ASCC2: variants seen among roughly 807,000 people sequenced by gnomAD.
ASCC2 encodes the protein activating signal cointegrator 1 complex subunit 2.
A neutral mutation model predicts 93.5 loss-of-function variants in ASCC2; 42 were observed. That is an observed-to-expected ratio of 0.45 (90% CI 0.35 to 0.58). The LOEUF (loss-of-function observed/expected upper bound fraction) is 0.58. ASCC2 is among the 20% of genes least tolerant of loss of function. The pLI is 0.00. For missense variants in ASCC2, 859 were observed against 977.6 expected, an observed-to-expected ratio of 0.88 and a Z score of 1.62; for synonymous variants, 364 against 384.2, an observed-to-expected ratio of 0.95 and a Z score of 0.62.
At position 29,825,962 on chromosome 22, in the gene ASCC2, G is replaced by A. The variant is rs368256632; in HGVS notation, c.82-182C>T. 1.4e-5 allele frequency: 8 copies of A among 585,320 alleles called. No individual in the cohort carries two copies. Among genetic ancestry groups the A allele is most frequent in the Admixed American group, 3.6e-5 (1 of 27,860 alleles). The allele number at this position is 585,320 out of a possible 1,614,324, so 36.3% of individuals were successfully genotyped here. A position where few individuals can be genotyped will look rare whatever the true frequency, so the allele number is the denominator to read the frequency against. ...TGGTTGCATTCAGCGAACACTAGGC[G>A]GTAATTAAAATCCATGTTTTCGGAG... On this transcript the variant is annotated intron_variant, in intron 2 of 19. Transcript: ENST00000307790. The surrounding 1 kb of genome is among the most constrained non-coding windows in gnomAD (Gnocchi z 4.9).
At chr22:29,814,595 G>T in intron 7 of ASCC2, 62 bp downstream of exon 7, 1 of 1,394,900 alleles carries the variant, frequency 7.2e-7, no homozygotes, top group Non-Finnish European at 9.8e-7. Flanking sequence ...CAGCCTCTGG[G>T]TAGCTAGGCC....
In ASCC2 at chr22:29,806,972, T is replaced by C. The variant is rs1234842745; in HGVS notation, c.909-68A>G. 7 of 1,221,274 alleles carry C rather than the reference T, an allele frequency of 5.7e-6. No individual in the cohort carries two copies. The African/African-American group carries it at 1.1e-4, about 19-fold the overall frequency. 75.7% of individuals were successfully genotyped at this position (1,221,274 alleles called of 1,614,324 possible). ...GGCCCTGAGGGGCCAGGTGCAGTGG[T>C]TTACACCTGAAACCCTAGCATCTTG... On this transcript the variant is annotated intron_variant, in intron 9 of 19. Transcript: ENST00000307790.
At position 29,792,543 on chromosome 22, in the gene ASCC2, T is replaced by A. The variant is rs200021452; in HGVS notation, c.1920-8A>T. 6.2e-6 allele frequency: 10 copies of A among 1,612,866 alleles called. No homozygotes were observed. The highest frequency in any genetic ancestry group is 8.5e-6 in the Non-Finnish European group (10 of 1,179,502). On this transcript the variant is annotated splice_polypyrimidine_tract_variant and splice_region_variant and intron_variant, in intron 17 of 19. Coordinates refer to ENST00000307790, the MANE Select transcript of ASCC2 (RefSeq NM_032204.5). Reference sequence around the variant, plus strand: ...TGAGGGATGGTGAATGGCCTGAGGGTGTGGAGAGAAATGAGATCAAAGACG... The same window carrying A: ...TGAGGGATGGTGAATGGCCTGAGGGAGTGGAGAGAAATGAGATCAAAGACG...
rs371781341 is a variant in ASCC2, at chr22:29,832,334, G to A, written c.-9C>T. On this transcript the variant is annotated 5_prime_UTR_variant, in exon 2 of 20. In the 5' UTR this introduces an upstream ATG that the reference lacks. Coordinates refer to ENST00000307790, the MANE Select transcript of ASCC2 (RefSeq NM_032204.5). The stretch of plus-strand genomic sequence containing the variant: ...AGGGGCAGAGCTGGCATTGTGCTGC[G>A]TGACCCTCCTGAAAGGAATATGGAT... The A allele has an allele frequency of 6.8e-5, 110 of 1,611,018 alleles. No homozygotes were observed. Among genetic ancestry groups the A allele is most frequent in the Non-Finnish European group, 7.3e-5 (86 of 1,177,482 alleles).
At chr22:29,831,961 C>T (rs368998865) in intron 2 of ASCC2, among the ~76,000 whole-genome samples, 2 of 152,084 alleles carry the variant, frequency 1.3e-5, no homozygotes, top group Admixed American at 6.6e-5. Context: ...ATTTCTAGCC[C>T]GATCCAGGCT....
rs145647834 is a variant in ASCC2, at chr22:29,812,403, C to T, written c.833+1027G>A. 5.9e-5 allele frequency among the ~76,000 whole-genome samples: 9 copies of T among 152,346 alleles called. No individual in the cohort carries two copies. The East Asian group carries it at 1.7e-3, about 29-fold the overall frequency. ...TCTTACTGCACAAGCAACAGATACTCTTGGTGCTAAGAGGGCAAAGTGGGT... is the reference window on the plus strand; with the variant it reads ...TCTTACTGCACAAGCAACAGATACTTTTGGTGCTAAGAGGGCAAAGTGGGT... On this transcript the variant is annotated intron_variant, in intron 8 of 19. Coordinates refer to ENST00000307790, the MANE Select transcript of ASCC2 (RefSeq NM_032204.5).
At chr22:29,792,977 C>T (rs1274043158) in intron 17 of ASCC2, among the ~76,000 whole-genome samples, 1 of 152,060 alleles carries the variant, frequency 6.6e-6, no homozygotes, top group African/African-American at 2.4e-5. Context: ...AGAACCCCAC[C>T]TCCACAAAAA....
At chr22:29,812,373 C>A (rs1034216854) in intron 8 of ASCC2, among the ~76,000 whole-genome samples, 23 of 152,206 alleles carry the variant, frequency 1.5e-4, no homozygotes, top group Non-Finnish European at 1.6e-4. Context: ...CCACACCCAC[C>A]CCTTTCTTAC....
At position 29,825,518 on chromosome 22, in the gene ASCC2, A is replaced by T. The variant is rs1369077838; in HGVS notation, c.240+104T>A. 5 of 1,496,848 alleles carry T rather than the reference A, an allele frequency of 3.3e-6. No individual in the cohort carries two copies. The highest frequency in any genetic ancestry group is 1.7e-4 in the Middle Eastern group (1 of 5,842). The allele number at this position is 1,496,848 out of a possible 1,614,324, so 92.7% of individuals were successfully genotyped here. ...TTTGCTGTTAAGGATCCAGTGAAAG[A>T]AGTAGACAAAAAAGCACCTCCTAGG... On this transcript the variant is annotated intron_variant, in intron 3 of 19. Transcript: ENST00000307790. The surrounding 1 kb of genome is among the most constrained non-coding windows in gnomAD (Gnocchi z 4.9).
At chr22:29,831,086 T>C (rs1240519160) in intron 2 of ASCC2, among the ~76,000 whole-genome samples, 1 of 152,230 alleles carries the variant, frequency 6.6e-6, no homozygotes, top group Non-Finnish European at 1.5e-5. Context: ...AAATTAAAAA[T>C]CTAGTTCCTC....
At chr22:29,834,700 GACA>G (rs1429651175) in intron 1 of ASCC2, 3 of 372,422 alleles carry the variant, frequency 8.1e-6, no homozygotes, top group Non-Finnish European at 1.6e-5. Context: ...CCCAATTAAG[GACA>G]ACAAGGATTA....
chr22:29,830,743 T>C (rs1187775940), intron 2 of ASCC2, among the ~76,000 whole-genome samples: 1 of 152,196 alleles, frequency 6.6e-6, no homozygotes, highest in Non-Finnish European at 1.5e-5. Flanking sequence ...GACCATGTCT[T>C]TTCTCTTTAT....
intron 11 of ASCC2, 25 bp downstream of exon 11, chr22:29,806,460 C>T: frequency 6.2e-7 from 1 of 1,612,282 alleles, no homozygotes; most frequent in East Asian, 2.2e-5. Flanking sequence ...GGGTCATGGG[C>T]CCAGGCCAGC....
In ASCC2 at chr22:29,825,462, G is replaced by T; in HGVS notation, c.240+160C>A. 1 of 1,182,968 alleles carries T rather than the reference G, an allele frequency of 8.5e-7. No individual in the cohort carries two copies. Among genetic ancestry groups the T allele is most frequent in the Non-Finnish European group, 1.2e-6 (1 of 834,414 alleles). 73.3% of individuals were successfully genotyped at this position (1,182,968 alleles called of 1,614,324 possible). On this transcript the variant is annotated intron_variant, in intron 3 of 19. Transcript: ENST00000307790. This position sits in a 1 kb window ranked among gnomAD's most constrained non-coding sequence, Gnocchi z 4.9. Reference sequence around the variant, plus strand: ...TGAAAGGTGTGTAAACATTAAGATTGTGATACAAGACAGAGCAATCCGAAC... The same window carrying T: ...TGAAAGGTGTGTAAACATTAAGATTTTGATACAAGACAGAGCAATCCGAAC...
intron 2 of ASCC2, among the ~76,000 whole-genome samples, chr22:29,828,993 T>C (rs1282954236): frequency 1.3e-5 from 2 of 151,902 alleles, no homozygotes; most frequent in Non-Finnish European, 2.9e-5. Context: ...TGGCCAACAC[T>C]GTGAAATCCC....
intron 2 of ASCC2, among the ~76,000 whole-genome samples, chr22:29,828,630 G>A (rs572854730): frequency 6.6e-6 from 1 of 152,230 alleles, no homozygotes; most frequent in South Asian, 2.1e-4. Flanking sequence ...TCCCATCCCA[G>A]CTGGATTAGG....
intron 15 of ASCC2, chr22:29,799,097 G>A (rs2147576728): frequency 6.6e-6 from 1 of 152,460 alleles, no homozygotes; most frequent in Non-Finnish European, 1.5e-5. Flanking sequence ...CCTAGGTGGG[G>A]TGAGATGAGA....
At position 29,806,913 on chromosome 22, in the gene ASCC2, G is replaced by A; in HGVS notation, c.909-9C>T. ...ACAGGTCACCAAGAAGCCTAGGCCA[G>A]AGAGAAAAAAGACACAGGTTTAGGA... On this transcript the variant is annotated splice_polypyrimidine_tract_variant and intron_variant, in intron 9 of 19. Coordinates refer to ENST00000307790, the MANE Select transcript of ASCC2 (RefSeq NM_032204.5). The A allele has an allele frequency of 1.9e-6, 3 of 1,605,750 alleles. No individual in the cohort carries two copies. Among genetic ancestry groups the A allele is most frequent in the Non-Finnish European group, 2.6e-6 (3 of 1,173,636 alleles).
intron 13 of ASCC2, 114 bp from the exon 14 acceptor site, chr22:29,802,322 A>C (rs912945388): frequency 8.9e-6 from 9 of 1,006,782 alleles, no homozygotes. Context: ...TCCTGGGATT[A>C]CCCCTCCTGC....
Sources: gnomAD v4.1 joint callset for allele counts (sites outside exome capture counted in the v4.1 genomes callset) on GRCh38, gnomAD v4.1.1 for gene constraint, Gnocchi (gnomAD v3.1) non-coding constraint, MANE v1.5 for transcripts, NCBI Gene and HGNC (gene_info 2026-07-23, HGNC 2026-07-21) for gene names.